XIRP2: variants seen among roughly 807,000 people sequenced by gnomAD.
The protein encoded by XIRP2 is xin actin binding repeat containing 2.
Under a neutral mutation model 277.0 loss-of-function variants are expected in XIRP2, and 236 were observed. The observed-to-expected ratio is 0.85, with a 90% CI of 0.77 to 0.95. The LOEUF (loss-of-function observed/expected upper bound fraction) is 0.95, where lower values mean the gene tolerates loss of function less well. XIRP2 is among the 40% of genes least tolerant of loss of function. The pLI, the probability that XIRP2 is intolerant of heterozygous loss-of-function variation, is 0.00. For missense variants in XIRP2, 4,640 were observed against 4,157.5 expected (o/e 1.12, Z -3.19); for synonymous variants, 1,490 against 1,416.5 (o/e 1.05, Z -1.17).
intron 3 of XIRP2, among the ~76,000 whole-genome samples, chr2:167,197,961 T>A (rs1190826892): frequency 1.3e-5 from 2 of 152,198 alleles, no homozygotes; most frequent in Admixed American, 1.3e-4. Context: ...AGTTTGCCCT[T>A]TAAAAACAGG....
intron 2 of XIRP2, among the ~76,000 whole-genome samples, chr2:167,064,530 G>A (rs756083757): frequency 5.9e-5 from 9 of 151,682 alleles, no homozygotes; most frequent in Admixed American, 3.3e-4. Flanking sequence ...AACATAAAAT[G>A]TGCCATCTTA....
At chr2:167,214,474 C>T (rs1694184323) in intron 4 of XIRP2, among the ~76,000 whole-genome samples, 1 of 106,402 alleles carries the variant, frequency 9.4e-6, no homozygotes, top group Admixed American at 9.1e-5. Context: ...GAGACTCCAT[C>T]TCAAAAAAAA....
chr2:167,251,717 C>G lies in XIRP2; in HGVS notation c.10325C>G (p.Ser3442Ter). The G allele has an allele frequency of 6.2e-7, 1 of 1,613,320 alleles. No individual in the cohort carries two copies. Among genetic ancestry groups the G allele is most frequent in the Non-Finnish European group, 8.5e-7 (1 of 1,179,584 alleles). ...SKMKTSSSHS[S>*]EAGKSGCDFK... is the part of the protein sequence containing the mutation. The stretch of plus-strand genomic sequence containing the variant: ...ATGAAAACCTCTTCATCACATAGCT[C>G]AGAAGCTGGCAAATCTGGCTGTGAC... Residue 3442 changes from serine (S) to a stop codon, truncating the protein, a stop_gained, in exon 9 of 11, where the codon TCA (serine) becomes TGA (stop). Coordinates refer to ENST00000409195, the MANE Select transcript of XIRP2 (RefSeq NM_152381.6). LOFTEE classifies it high-confidence loss of function.
At chr2:167,214,451 C>T (rs73029721) in intron 4 of XIRP2, among the ~76,000 whole-genome samples, 32,386 of 140,260 alleles carry the variant, frequency 0.23, 4,584 homozygotes, top group African/African-American at 0.4. Context: ...CACTCCAGCC[C>T]GGACGGCTGA....
chr2:166,972,547 G>A (rs542378322), intron 2 of XIRP2, among the ~76,000 whole-genome samples: 1 of 152,236 alleles, frequency 6.6e-6, no homozygotes, highest in African/African-American at 2.4e-5. Flanking sequence ...GGGAGGCACT[G>A]ATTAGTAGCT....
At chr2:167,001,633 A>T (rs528068303) in intron 2 of XIRP2, among the ~76,000 whole-genome samples, 1 of 152,252 alleles carries the variant, frequency 6.6e-6, no homozygotes, top group South Asian at 2.1e-4. Flanking sequence ...AATAACCTGC[A>T]TTATTAGTTA....
chr2:167,166,126 A>G (rs1364897819), intron 3 of XIRP2, among the ~76,000 whole-genome samples: 1 of 152,184 alleles, frequency 6.6e-6, no homozygotes, highest in African/African-American at 2.4e-5. Context: ...GTCTAAAATC[A>G]GTTGGCTACA....
chr2:167,185,125 T>A lies in XIRP2; in HGVS notation c.563-25610T>A, dbSNP rs576328731. Among the ~76,000 whole-genome samples the A allele has an allele frequency of 4.1e-4, 63 of 152,296 alleles. No homozygotes were observed. In the South Asian group the frequency reaches 0.012, roughly 30 times the overall value. On this transcript the variant is annotated intron_variant, in intron 3 of 10. Transcript: ENST00000409195. The stretch of plus-strand genomic sequence containing the variant: ...ATGGTCAGAATCTAGGTCCTGATGT[T>A]TTCATTGTCTTCATGACTAAAATGA...
chr2:167,207,115 C>T (rs1038492432), intron 3 of XIRP2, among the ~76,000 whole-genome samples: 4 of 152,032 alleles, frequency 2.6e-5, no homozygotes, highest in African/African-American at 4.8e-5. Flanking sequence ...TAACTTATTT[C>T]AGATTTTTGG....
chr2:166,943,417 G>A (rs149296576), intron 2 of XIRP2, among the ~76,000 whole-genome samples: 24 of 152,250 alleles, frequency 1.6e-4, no homozygotes, highest in African/African-American at 5.8e-4. Flanking sequence ...GGATTCTTTT[G>A]TCTCCACTTT....
At chr2:167,019,757 T>A (rs1047922340) in intron 2 of XIRP2, among the ~76,000 whole-genome samples, 1 of 152,052 alleles carries the variant, frequency 6.6e-6, no homozygotes, top group African/African-American at 2.4e-5. Context: ...ATAAGACATT[T>A]AGCAAAAATA....
rs752009881 is a variant in XIRP2 at position 167,251,788 on chromosome 2, A to AT, written c.10400dup (p.Leu3467PhefsTer5). 1.2e-6 allele frequency: 2 copies of AT among 1,613,374 alleles called. No individual in the cohort carries two copies. Among genetic ancestry groups the AT allele is most frequent in the Non-Finnish European group, 1.7e-6 (2 of 1,179,574 alleles). ...CTATGAGGATGTCATTGCTGGACAT[A>AT]TTTTAGATATCTCTGATTCACCTAA... is the stretch of plus-strand genomic sequence containing the variant. On this transcript the variant is annotated frameshift_variant, in exon 9 of 11. Transcript: ENST00000409195. LOFTEE classifies it high-confidence loss of function.
intron 2 of XIRP2, among the ~76,000 whole-genome samples, chr2:166,942,416 C>T (rs561755683): frequency 5.9e-5 from 9 of 152,160 alleles, no homozygotes; most frequent in Non-Finnish European, 1.2e-4. Flanking sequence ...GCCCAAAATA[C>T]ATTGCCTAAT....
chr2:167,013,770 A>G (rs761854384), intron 2 of XIRP2, among the ~76,000 whole-genome samples: 20 of 151,626 alleles, frequency 1.3e-4, no homozygotes, highest in Middle Eastern at 3.2e-3. Flanking sequence ...TGATATAAGG[A>G]TATCTTAAAT....
rs768746960 is a variant in XIRP2, at chr2:167,250,516, C to T, written c.9124C>T (p.Pro3042Ser). Residue 3042 changes from proline to serine, a missense_variant, in exon 9 of 11, where the codon CCG becomes TCG. Physicochemically the swap from Pro to Ser is moderately conservative, Grantham distance 74. Coordinates refer to ENST00000409195, the MANE Select transcript of XIRP2 (RefSeq NM_152381.6). ...CATGATGTCCTCCAAAACAGGAAAA[C>T]CGGGAAATAAACCCACTAGTCTTGA... ...TAMMSSKTGK[P>S]GNKPTSLDET... 20 of 1,613,384 alleles carry T rather than the reference C, an allele frequency of 1.2e-5. No individual in the cohort carries two copies. Among genetic ancestry groups the T allele is most frequent in the Non-Finnish European group, 1.7e-5 (20 of 1,179,678 alleles).
At chr2:166,953,178 G>T (rs1030183117) in intron 2 of XIRP2, among the ~76,000 whole-genome samples, 13 of 151,856 alleles carry the variant, frequency 8.6e-5, no homozygotes, top group Non-Finnish European at 1.6e-4. Context: ...AGTGTACGTT[G>T]TAACTGTCTC....
rs1695713086 is a variant in XIRP2, at chr2:167,258,068, G to A, written c.*251G>A. ...TATTGCAGAAAACACCCTTGTACCT[G>A]GAGATCGTAATGAACATTTAGATGC... On this transcript the variant is annotated 3_prime_UTR_variant, in exon 11 of 11. Coordinates refer to ENST00000409195, the MANE Select transcript of XIRP2 (RefSeq NM_152381.6). 1 of 1,612,878 alleles carries A rather than the reference G, an allele frequency of 6.2e-7. No homozygotes were observed. Among genetic ancestry groups the A allele is most frequent in the Admixed American group, 1.7e-5 (1 of 59,818 alleles).
In XIRP2 at chr2:167,243,856, G is replaced by C; in HGVS notation, c.2464G>C (p.Glu822Gln). 6.2e-7 allele frequency: 1 copy of C among 1,613,832 alleles called. No individual in the cohort carries two copies. Among genetic ancestry groups the C allele is most frequent in the Non-Finnish European group, 8.5e-7 (1 of 1,179,914 alleles). ...FETQPLEKIKESEEVIIEKEK... is the reference protein window; with the variant it reads ...FETQPLEKIKQSEEVIIEKEK... Reference sequence around the variant, plus strand: ...AACCCAACCTTTGGAGAAAATCAAAGAGTCAGAAGAGGTCATCATTGAAAA... The same window carrying C: ...AACCCAACCTTTGGAGAAAATCAAACAGTCAGAAGAGGTCATCATTGAAAA... Residue 822 changes from glutamate to glutamine, a missense_variant, in exon 9 of 11, where the codon GAG becomes CAG. Glu to Gln is a conservative substitution (Grantham distance 29, BLOSUM62 2). Coordinates refer to ENST00000409195, the MANE Select transcript of XIRP2 (RefSeq NM_152381.6).
chr2:167,113,752 G>A (rs1048250792), intron 2 of XIRP2, among the ~76,000 whole-genome samples: 4 of 152,212 alleles, frequency 2.6e-5, no homozygotes, highest in Non-Finnish European at 4.4e-5. Flanking sequence ...GTGTACGTAA[G>A]TGTGTTTTTG....
Sources: gnomAD v4.1 joint callset for allele counts (sites outside exome capture counted in the v4.1 genomes callset) on GRCh38, gnomAD v4.1.1 for gene constraint, MANE v1.5 for transcripts, NCBI Gene and HGNC (gene_info 2026-07-23, HGNC 2026-07-21) for gene names.